The following BTBD9 variants were observed in gnomAD, a reference collection of about 807,000 sequenced individuals.
BTBD9 encodes BTB/POZ domain-containing protein 9.
Under a neutral mutation model 64.3 loss-of-function variants are expected in BTBD9, and 49 were observed. The ratio of observed to expected loss-of-function variants is 0.76; its 90% CI spans 0.61 to 0.97. The LOEUF (loss-of-function observed/expected upper bound fraction) is 0.97. BTBD9 is among the 50% of genes least tolerant of loss of function. The probability of loss-of-function intolerance (pLI) is 0.00; values close to 1 mark genes in which losing one functional copy is unlikely to be tolerated. For synonymous variants in BTBD9, 260 were observed against 274.7 expected, an observed-to-expected ratio of 0.95 and a Z score of 0.53; for missense variants, 598 against 762.1, an observed-to-expected ratio of 0.78 and a Z score of 2.53.
intron 1 of BTBD9, among the ~76,000 whole-genome samples, chr6:38,609,664 C>G (rs1777545697): frequency 6.6e-6 from 1 of 152,198 alleles, no homozygotes; most frequent in Non-Finnish European, 1.5e-5. Flanking sequence ...CTAATACCCT[C>G]AAGACACTAA....
At chr6:38,367,893 T>C (rs1322227974) in intron 6 of BTBD9, among the ~76,000 whole-genome samples, 2 of 146,324 alleles carry the variant, frequency 1.4e-5, no homozygotes, top group East Asian at 4.5e-4. Context: ...GTAAACTCAA[T>C]TCACTGTAAT....
At chr6:38,517,311 GT>G (rs1773075623) in intron 6 of BTBD9, among the ~76,000 whole-genome samples, 1 of 152,222 alleles carries the variant, frequency 6.6e-6, no homozygotes, top group South Asian at 2.1e-4. Flanking sequence ...ATGTTTCTGA[GT>G]AATCAAATAC....
At chr6:38,575,423 G>A (rs1037289944) in intron 6 of BTBD9, among the ~76,000 whole-genome samples, 5 of 152,142 alleles carry the variant, frequency 3.3e-5, no homozygotes, top group African/African-American at 1.2e-4. Flanking sequence ...AAAGAACAAA[G>A]CTGACATACA....
chr6:38,337,005 A>T (rs1390499861), intron 7 of BTBD9, among the ~76,000 whole-genome samples: 1 of 152,184 alleles, frequency 6.6e-6, no homozygotes, highest in Non-Finnish European at 1.5e-5. Context: ...ACCAGCCTTA[A>T]TATCTGGTTA....
intron 6 of BTBD9, among the ~76,000 whole-genome samples, chr6:38,480,729 T>C (rs1031115503): frequency 6.6e-6 from 1 of 152,200 alleles, no homozygotes; most frequent in Non-Finnish European, 1.5e-5. Context: ...ACAACTTGCC[T>C]GTCTTATTCC....
intron 5 of BTBD9, among the ~76,000 whole-genome samples, chr6:38,579,411 C>T (rs563443785): frequency 6.6e-6 from 1 of 152,242 alleles, no homozygotes; most frequent in East Asian, 1.9e-4. Flanking sequence ...TGATAAACAG[C>T]AATGAAGGAA....
intron 6 of BTBD9, among the ~76,000 whole-genome samples, chr6:38,404,542 G>C (rs1767083308): frequency 7.8e-6 from 1 of 128,710 alleles, no homozygotes; most frequent in Admixed American, 7.7e-5. Context: ...TCCGCCCAGA[G>C]CAAGTCAATA....
chr6:38,609,315 A>T (rs1344620010), intron 1 of BTBD9, among the ~76,000 whole-genome samples: 1 of 152,180 alleles, frequency 6.6e-6, no homozygotes, highest in Non-Finnish European at 1.5e-5. Context: ...GGCTGCAGTG[A>T]GCCATAATCA....
At chr6:38,330,573 T>C (rs546261890) in intron 7 of BTBD9, among the ~76,000 whole-genome samples, 3 of 149,304 alleles carry the variant, frequency 2.0e-5, no homozygotes, top group Non-Finnish European at 4.4e-5. Flanking sequence ...TAAAAAAAAA[T>C]TTTTTTTAAT....
At chr6:38,611,546 CTT>C (rs932660226) in intron 1 of BTBD9, among the ~76,000 whole-genome samples, 2 of 152,084 alleles carry the variant, frequency 1.3e-5, no homozygotes, top group African/African-American at 4.8e-5. Context: ...TAACAAGAGA[CTT>C]TTTAGAATTA....
At chr6:38,287,792 T>C (rs748312316) in intron 8 of BTBD9, among the ~76,000 whole-genome samples, 3 of 152,158 alleles carry the variant, frequency 2.0e-5, no homozygotes, top group Non-Finnish European at 1.5e-5. Flanking sequence ...TATAATCCTA[T>C]AAATCAAGCA....
chr6:38,351,867 C>T (rs1386866942), intron 6 of BTBD9, among the ~76,000 whole-genome samples: 1 of 152,056 alleles, frequency 6.6e-6, no homozygotes, highest in African/African-American at 2.4e-5. Flanking sequence ...CAAATATGCA[C>T]AATCTAAAAC....
chr6:38,362,517 T>C (rs1262716410), intron 6 of BTBD9, among the ~76,000 whole-genome samples: 4 of 152,202 alleles, frequency 2.6e-5, no homozygotes, highest in Non-Finnish European at 5.9e-5. Flanking sequence ...CAGCAAATAA[T>C]ATTTATGTGA....
intron 6 of BTBD9, among the ~76,000 whole-genome samples, chr6:38,526,645 C>T (rs1195095045): frequency 2.0e-5 from 3 of 152,234 alleles, no homozygotes; most frequent in Non-Finnish European, 2.9e-5. Flanking sequence ...CCCCTTGCAT[C>T]AGTCAGCATG....
intron 6 of BTBD9, among the ~76,000 whole-genome samples, chr6:38,411,904 C>T (rs967250111): frequency 6.6e-6 from 1 of 152,084 alleles, no homozygotes; most frequent in Middle Eastern, 3.4e-3. Context: ...GTCATTTGGG[C>T]AACAGGGCAA....
intron 7 of BTBD9, among the ~76,000 whole-genome samples, chr6:38,291,129 T>A (rs895949891): frequency 6.6e-6 from 1 of 152,220 alleles, no homozygotes; most frequent in Non-Finnish European, 1.5e-5. Flanking sequence ...ATGAGTTAAC[T>A]TCAACTTCCC....
rs78596997 is a variant in BTBD9, at chr6:38,250,333, C to A, written c.1562+6076G>T. Among the ~76,000 whole-genome samples the A allele has an allele frequency of 7.6e-3, 1,155 of 152,258 alleles. 8 individuals are homozygous for A. The highest frequency in any genetic ancestry group is 0.012 in the Non-Finnish European group (810 of 68,010). On this transcript the variant is annotated intron_variant, in intron 9 of 10. Coordinates refer to ENST00000481247, the MANE Select transcript of BTBD9 (RefSeq NM_001099272.2). Reference sequence around the variant, plus strand: ...TTAGAAGCTTCTGCAACGGAAAAAACTAATCAGGAACTTCAAGAAAACAAA... The same window carrying A: ...TTAGAAGCTTCTGCAACGGAAAAAAATAATCAGGAACTTCAAGAAAACAAA...
In BTBD9 at chr6:38,594,013, C is replaced by T; in HGVS notation, c.500G>A (p.Arg167Lys). Residue 167 changes from arginine to lysine, a missense_variant, in exon 3 of 11, where the codon AGG becomes AAG. By Grantham distance (26) the Arg-to-Lys change is conservative. Transcript: ENST00000481247. ...ACTTGAGAGGACTTCCTGAGCATTC[C>T]TATCCATAAACATGCAGCACATACA... ...LTCMCCMFMD[R>K]NAQEVLSSEG... is the part of the protein sequence containing the mutation. 6.2e-7 allele frequency: 1 copy of T among 1,614,062 alleles called. No individual in the cohort carries two copies. The highest frequency in any genetic ancestry group is 8.5e-7 in the Non-Finnish European group (1 of 1,179,980).
Position 38,171,846 on chromosome 6 carries a change from C to CAAAAAAAAAAA in BTBD9, c.*3128_*3138dup, listed in dbSNP as rs869155666. The CAAAAAAAAAAA allele has an allele frequency of 1.8e-4, 14 of 79,180 alleles. No homozygotes were observed. The highest frequency in any genetic ancestry group is 3.3e-4 in the Admixed American group (2 of 6,008). 4.9% of individuals were successfully genotyped at this position (79,180 alleles called of 1,614,324 possible). ...TCCAATGAAGTTGCCTTTCTACTCTCAAAAAAAAAAAAAAAAAAAAAAAAA... is the reference window on the plus strand; with the variant it reads ...TCCAATGAAGTTGCCTTTCTACTCTCAAAAAAAAAAAAAAAAAAAAAAAAAAAAAAAAAAAA... On this transcript the variant is annotated 3_prime_UTR_variant, in exon 11 of 11. Transcript: ENST00000481247.
Sources: gnomAD v4.1 joint callset for allele counts (sites outside exome capture counted in the v4.1 genomes callset) on GRCh38, gnomAD v4.1.1 for gene constraint, MANE v1.5 for transcripts, NCBI Gene and HGNC (gene_info 2026-07-23, HGNC 2026-07-21) for gene names.